The following GPHN variants were observed in gnomAD, a reference collection of about 807,000 sequenced individuals.
GPHN encodes the protein gephyrin.
GPHN carries 17 observed loss-of-function variants against 95.5 expected under a neutral mutation model. The ratio of observed to expected loss-of-function variants is 0.18; its 90% CI spans 0.12 to 0.27. The LOEUF is 0.27. Among genes scored for constraint, GPHN ranks in the 10% least tolerant of loss-of-function variants. The pLI is 1.00. For synonymous variants in GPHN, 320 were observed against 322.5 expected (o/e 0.99, Z 0.08); for missense variants, 660 against 978.1 (o/e 0.67, Z 4.34).
the GPHN span, among the ~76,000 whole-genome samples, chr14:67,418,413 T>C: frequency 6.6e-6 from 1 of 152,184 alleles, no homozygotes; most frequent in Non-Finnish European, 1.5e-5. Flanking sequence ...TATTCCCAAT[T>C]ATTCATTCCC....
At chr14:67,573,381 T>C in the GPHN span, 2 of 1,592,226 alleles carry the variant, frequency 1.3e-6, no homozygotes, top group Non-Finnish European at 1.7e-6. This position sits in a 1 kb window ranked among gnomAD's most constrained non-coding sequence, Gnocchi z 4.8. Context: ...GTACTACAAG[T>C]CCCCGGTGAG....
the GPHN span, chr14:67,347,473 A>G: frequency 6.3e-7 from 1 of 1,583,148 alleles, no homozygotes; most frequent in East Asian, 2.3e-5. Flanking sequence ...ACAGAAGCAT[A>G]CATGGATTCA....
At chr14:66,949,901 A>AT (rs1013037554) in intron 8 of GPHN, among the ~76,000 whole-genome samples, 1 of 148,676 alleles carries the variant, frequency 6.7e-6, no homozygotes, top group African/African-American at 2.5e-5. Flanking sequence ...GGGAAACAAT[A>AT]TTTTGACTGT....
At chr14:67,287,980 A>G in the GPHN span, among the ~76,000 whole-genome samples, 9 of 152,248 alleles carry the variant, frequency 5.9e-5, no homozygotes, top group South Asian at 2.1e-4. Flanking sequence ...TAGGGATACA[A>G]TTACCTTCTG....
intron 1 of GPHN, among the ~76,000 whole-genome samples, chr14:66,662,836 G>T (rs1460220316): frequency 6.6e-6 from 1 of 152,154 alleles, no homozygotes; most frequent in Non-Finnish European, 1.5e-5. Context: ...GTAATTCCAA[G>T]TATTAATAGC....
chr14:66,798,327 C>T (rs2060227764), intron 3 of GPHN, among the ~76,000 whole-genome samples: 1 of 151,738 alleles, frequency 6.6e-6, no homozygotes, highest in African/African-American at 2.4e-5. Context: ...TAATATTAGC[C>T]TCACACAATG....
intron 5 of GPHN, among the ~76,000 whole-genome samples, chr14:66,886,382 T>C (rs1044978692): frequency 1.3e-5 from 2 of 152,140 alleles, no homozygotes; most frequent in African/African-American, 4.8e-5. Flanking sequence ...AGAAAATACT[T>C]TTCCCCCATG....
chr14:67,711,625 G>A, the GPHN span, among the ~76,000 whole-genome samples: 54 of 152,304 alleles, frequency 3.5e-4, no homozygotes, highest in South Asian at 0.011. Flanking sequence ...CATGCCAATA[G>A]AAGTACATCT....
At chr14:67,438,232 C>T in the GPHN span, among the ~76,000 whole-genome samples, 3 of 152,150 alleles carry the variant, frequency 2.0e-5, no homozygotes, top group Admixed American at 6.5e-5. Flanking sequence ...TTTCCAGTGC[C>T]CTGGCTTGGG....
At chr14:67,213,754 G>T in the GPHN span, among the ~76,000 whole-genome samples, 3 of 152,128 alleles carry the variant, frequency 2.0e-5, no homozygotes, top group African/African-American at 4.8e-5. Flanking sequence ...ACTTCCACAA[G>T]GGTTGAACTA....
the GPHN span, among the ~76,000 whole-genome samples, chr14:67,408,845 T>C: frequency 6.6e-6 from 1 of 152,170 alleles, no homozygotes; most frequent in South Asian, 2.1e-4. Context: ...TTTAATACTA[T>C]AAACATATTC....
the GPHN span, among the ~76,000 whole-genome samples, chr14:67,547,605 G>T: frequency 4.6e-5 from 7 of 152,094 alleles, no homozygotes; most frequent in African/African-American, 1.7e-4. Context: ...CATTACATGG[G>T]CTGATGACTG....
intron 9 of GPHN, chr14:66,969,864 G>A (rs2069626080): frequency 6.6e-6 from 1 of 150,532 alleles, no homozygotes; most frequent in South Asian, 2.1e-4. Flanking sequence ...AGAAAATAAT[G>A]ATTACAGCAA....
the GPHN span, among the ~76,000 whole-genome samples, chr14:67,284,654 T>C: frequency 2.0e-5 from 3 of 149,700 alleles, no homozygotes; most frequent in Non-Finnish European, 3.0e-5. Context: ...CTCCCTATTC[T>C]GTCCACCACC....
At chr14:67,099,243 G>A (rs914868611) in intron 12 of GPHN, among the ~76,000 whole-genome samples, 13 of 152,008 alleles carry the variant, frequency 8.6e-5, no homozygotes, top group Admixed American at 7.9e-4. Flanking sequence ...CCGAGTAGCC[G>A]GGATTACAGG....
At chr14:66,911,222 G>C (rs577561788) in intron 5 of GPHN, among the ~76,000 whole-genome samples, 1 of 152,026 alleles carries the variant, frequency 6.6e-6, no homozygotes, top group African/African-American at 2.4e-5. Context: ...AGGCAAGTCT[G>C]TATGGACAGA....
chr14:66,545,746 C>A (rs576890446), intron 1 of GPHN, among the ~76,000 whole-genome samples: 6 of 144,906 alleles, frequency 4.1e-5, no homozygotes, highest in Admixed American at 1.4e-4. Context: ...CTGACCCCCC[C>A]ACCTCCCTCC....
chr14:66,719,413 A>T (rs558927416), intron 2 of GPHN, among the ~76,000 whole-genome samples: 2 of 152,112 alleles, frequency 1.3e-5, no homozygotes, highest in African/African-American at 4.8e-5. Flanking sequence ...AAGTTTCCCC[A>T]GTGAGGATGT....
rs1018197357 is a variant in GPHN at position 67,181,141 on chromosome 14, G to C, written c.*204G>C. 5.6e-5 allele frequency: 36 copies of C among 637,412 alleles called. No individual in the cohort carries two copies. Among genetic ancestry groups the C allele is most frequent in the Admixed American group, 8.9e-5 (3 of 33,794 alleles). 39.5% of individuals were successfully genotyped at this position (637,412 alleles called of 1,614,324 possible). A position where few individuals can be genotyped will look rare whatever the true frequency, so the allele number is the denominator to read the frequency against. On this transcript the variant is annotated 3_prime_UTR_variant, in exon 23 of 23. Transcript: ENST00000478722. ...AAATCTTAACAGAAAATTCTGTTCT[G>C]ATTATATCAAGGCAAATTTTTCCTT...
Sources: gnomAD v4.1 joint callset for allele counts (sites outside exome capture counted in the v4.1 genomes callset) on GRCh38, gnomAD v4.1.1 for gene constraint, Gnocchi (gnomAD v3.1) non-coding constraint, MANE v1.5 for transcripts, NCBI Gene and HGNC (gene_info 2026-07-23, HGNC 2026-07-21) for gene names.